The following PIEZO1 variants were observed in gnomAD, a reference collection of about 807,000 sequenced individuals.
The protein encoded by PIEZO1 is piezo type mechanosensitive ion channel component 1 (Er blood group).
In PIEZO1, 296 loss-of-function variants were observed where a neutral mutation model predicts 297.2. The observed-to-expected ratio is 1.00, with a 90% CI of 0.91 to 1.10. PIEZO1 has a LOEUF of 1.10. PIEZO1 is among the 50% of genes least tolerant of loss of function. The probability of loss-of-function intolerance (pLI) is 0.00; values close to 1 mark genes in which losing one functional copy is unlikely to be tolerated. For missense variants in PIEZO1, 5,018 were observed against 3,455.5 expected (o/e 1.45, Z -11.34); for synonymous variants, 2,427 against 1,507.5 (o/e 1.61, Z -14.13).
In PIEZO1 at chr16:88,726,862, G is replaced by T; in HGVS notation, c.3552C>A (p.Ile1184=). The change falls in exon 25 of 51, where the codon ATC becomes ATA. Residue 1184 remains isoleucine (I), a synonymous_variant. Coordinates refer to ENST00000301015, the MANE Select transcript of PIEZO1 (RefSeq NM_001142864.4). ...VFVTGATRIS[I]FGLGYLLACF... Reference sequence around the variant, plus strand: ...AGGCCAGCAGGTAGCCCAGCCCGAAGATGCTGATGCGGGTGGCCCCCGTGA... The same window carrying T: ...AGGCCAGCAGGTAGCCCAGCCCGAATATGCTGATGCGGGTGGCCCCCGTGA... 1 of 1,550,414 alleles carries T rather than the reference G, an allele frequency of 6.4e-7. No homozygotes were observed. Among genetic ancestry groups the T allele is most frequent in the South Asian group, 1.2e-5 (1 of 84,058 alleles).
Position 88,737,589 on chromosome 16 carries a change from T to C in PIEZO1, c.1165A>G (p.Thr389Ala). Residue 389 changes from threonine to alanine, a missense_variant, in exon 10 of 51, where the codon ACC becomes GCC. Coordinates refer to ENST00000301015, the MANE Select transcript of PIEZO1 (RefSeq NM_001142864.4). ...EADNCIVHEL[T>A]GQSSVLRRPV... is the part of the protein sequence containing the mutation. ...CGCCGCAGGACGGAGCTCTGGCCGG[T>C]CAGCTCGTGCACGATGCAGTTATCA... 1 of 1,530,196 alleles carries C rather than the reference T, an allele frequency of 6.5e-7. No individual in the cohort carries two copies. The highest frequency in any genetic ancestry group is 1.2e-5 in the South Asian group (1 of 83,988). 94.8% of individuals were successfully genotyped at this position (1,530,196 alleles called of 1,614,324 possible). A position where few individuals can be genotyped will look rare whatever the true frequency, so the allele number is the denominator to read the frequency against.
rs1489877913 is a variant in PIEZO1 at position 88,749,369 on chromosome 16, G to A, written c.160+15C>T. On this transcript the variant is annotated intron_variant, in intron 2 of 50. Transcript: ENST00000301015. The stretch of plus-strand genomic sequence containing the variant: ...CTCCCACCCTGAGAGCGTGGGCAGG[G>A]TCCCCTGGCCTTACCTTGGAGGCCG... 4.8e-6 allele frequency: 7 copies of A among 1,461,736 alleles called. No homozygotes were observed. Among genetic ancestry groups the A allele is most frequent in the Non-Finnish European group, 6.3e-6 (7 of 1,112,704 alleles). 90.5% of individuals were successfully genotyped at this position (1,461,736 alleles called of 1,614,324 possible). A position where few individuals can be genotyped will look rare whatever the true frequency, so the allele number is the denominator to read the frequency against.
At chr16:88,757,647 A>G (rs1216950414) in intron 1 of PIEZO1, among the ~76,000 whole-genome samples, 1 of 152,086 alleles carries the variant, frequency 6.6e-6, no homozygotes, top group Non-Finnish European at 1.5e-5. Context: ...GAAGCAGGAG[A>G]GCCCGAGGGT....
At chr16:88,724,072 A>C in intron 30 of PIEZO1, 101 bp from the exon 31 acceptor site, 1 of 710,666 alleles carries the variant, frequency 1.4e-6, no homozygotes, top group South Asian at 1.7e-5. Flanking sequence ...CACCCTTCCC[A>C]TGCGGAGTAG....
Position 88,751,433 on chromosome 16 carries a change from C to T in PIEZO1, c.65-1954G>A, listed in dbSNP as rs140244264. ...ACCCTTCCACCCTCCCGGAAGCAGA[C>T]ACGAAAGAATCGCGCTCGGCGCTGC... On this transcript the variant is annotated intron_variant, in intron 1 of 50. Coordinates refer to ENST00000301015, the MANE Select transcript of PIEZO1 (RefSeq NM_001142864.4). Among the ~76,000 whole-genome samples, 7 of 152,340 alleles carry T rather than the reference C, an allele frequency of 4.6e-5. No homozygotes were observed. The East Asian group carries it at 1.4e-3, about 29-fold the overall frequency.
rs561783880 is a variant in PIEZO1 at position 88,756,475 on chromosome 16, C to T, written c.65-6996G>A. On this transcript the variant is annotated intron_variant, in intron 1 of 50. Transcript: ENST00000301015. The stretch of plus-strand genomic sequence containing the variant: ...GCTGTACAAAACTGGTGGCTGGGGC[C>T]GGGCACCGTGGCTCACGCCTGTAAT... Among the ~76,000 whole-genome samples, 312 of 152,318 alleles carry T rather than the reference C, an allele frequency of 2.0e-3. 1 individual carries two copies. Among genetic ancestry groups the T allele is most frequent in the Non-Finnish European group, 2.3e-3 (157 of 68,022 alleles).
At chr16:88,730,187 G>C (rs577572663) in intron 22 of PIEZO1, among the ~76,000 whole-genome samples, 1 of 152,248 alleles carries the variant, frequency 6.6e-6, no homozygotes, top group Non-Finnish European at 1.5e-5. Context: ...CCCAGACCCC[G>C]GGCTCTAAAC....
intron 1 of PIEZO1, among the ~76,000 whole-genome samples, chr16:88,766,227 C>G (rs1359840178): frequency 3.3e-5 from 5 of 152,158 alleles, no homozygotes; most frequent in Non-Finnish European, 7.3e-5. Context: ...GGCATGAGGG[C>G]CTCATCCAAT....
chr16:88,716,165 C>T lies in PIEZO1; in HGVS notation c.7129+33G>A, dbSNP rs764214848. ...CGTTGAGGCCGCAGGTCACCCCTCT[C>T]TAGCCTCCCCCAACCCCCACGCCCA... On this transcript the variant is annotated intron_variant, in intron 49 of 50. Coordinates refer to ENST00000301015, the MANE Select transcript of PIEZO1 (RefSeq NM_001142864.4). 4.0e-5 allele frequency: 61 copies of T among 1,519,028 alleles called. No individual in the cohort carries two copies. In the Admixed American group the frequency reaches 1.0e-3, roughly 26 times the overall value. The allele number at this position is 1,519,028 out of a possible 1,614,324, so 94.1% of individuals were successfully genotyped here. A position where few individuals can be genotyped will look rare whatever the true frequency, so the allele number is the denominator to read the frequency against.
chr16:88,726,590 G>A lies in PIEZO1; in HGVS notation c.3753C>T (p.Ile1251=), dbSNP rs1904452122. The A allele has an allele frequency of 1.3e-6, 2 of 1,548,234 alleles. No individual in the cohort carries two copies. ...EQMQTGFCWV[I]QLFSLVCTVK... The stretch of plus-strand genomic sequence containing the variant: ...CGGTGCATACAAGGCTGAAGAGCTG[G>A]ATGACCCAGCAGAAGCCGGTCTGCA... Residue 1251 remains isoleucine, a synonymous_variant, in exon 26 of 51, where the codon ATC becomes ATT. Transcript: ENST00000301015.
rs1372594771 is a variant in PIEZO1 at position 88,726,663 on chromosome 16, G to A, written c.3700-20C>T. On this transcript the variant is annotated intron_variant, in intron 25 of 50. Coordinates refer to ENST00000301015, the MANE Select transcript of PIEZO1 (RefSeq NM_001142864.4). ...CAGGAGCTGGGGGAGAGCAGGGTCA[G>A]CGGGGCCAGCGGGGCCCCAGGGCGG... 5.2e-6 allele frequency: 8 copies of A among 1,546,526 alleles called. No individual in the cohort carries two copies. The Admixed American group carries it at 1.6e-4, about 30-fold the overall frequency.
chr16:88,768,749 C>G (rs1907291704), intron 1 of PIEZO1, among the ~76,000 whole-genome samples: 1 of 152,260 alleles, frequency 6.6e-6, no homozygotes, highest in African/African-American at 2.4e-5. Context: ...CCTGCAGCCT[C>G]AGCCAGGCCC....
In PIEZO1 at chr16:88,785,130, G is replaced by A. The variant is rs1908125171; in HGVS notation, c.-166C>T. 2.0e-5 allele frequency: 7 copies of A among 352,744 alleles called. No homozygotes were observed. In the East Asian group the frequency reaches 3.9e-4, roughly 20 times the overall value. 21.9% of individuals were successfully genotyped at this position (352,744 alleles called of 1,614,324 possible). A position where few individuals can be genotyped will look rare whatever the true frequency, so the allele number is the denominator to read the frequency against. On this transcript the variant is annotated 5_prime_UTR_variant, in exon 1 of 51. Transcript: ENST00000301015. ...GCCGCCCCGCCGGTGCCGACGTCCC[G>A]GGCCCGCGCTCGCTCAGGCGACCGC...
intron 44 of PIEZO1, chr16:88,718,529 G>A (rs905858966): frequency 7.2e-5 from 11 of 152,304 alleles, no homozygotes; most frequent in African/African-American, 2.4e-4. Flanking sequence ...TGCCACGTGG[G>A]TGGACCTCAG....
At chr16:88,733,561 G>A in intron 18 of PIEZO1, 27 bp downstream of exon 18, 2 of 1,529,056 alleles carry the variant, frequency 1.3e-6, no homozygotes, top group Admixed American at 2.0e-5. Context: ...ACCCCAGATG[G>A]GAAGCTGAGT....
At chr16:88,751,410 C>T (rs1906381380) in intron 1 of PIEZO1, among the ~76,000 whole-genome samples, 1 of 152,192 alleles carries the variant, frequency 6.6e-6, no homozygotes, top group African/African-American at 2.4e-5. Flanking sequence ...ACAGCTTCAC[C>T]CTTCCACCCT....
intron 2 of PIEZO1, among the ~76,000 whole-genome samples, chr16:88,748,499 C>A (rs1021655086): frequency 2.2e-4 from 33 of 149,116 alleles, no homozygotes; most frequent in African/African-American, 6.3e-4. Flanking sequence ...CCCCCCCCCC[C>A]CCGCACAAGT....
At chr16:88,726,523 C>A (rs528835968) in intron 26 of PIEZO1, 24 bp downstream of exon 26, 5 of 1,547,040 alleles carry the variant, frequency 3.2e-6, no homozygotes, top group Admixed American at 2.0e-5. Context: ...CACGCCCTCC[C>A]CCGCCACCGT....
Position 88,741,673 on chromosome 16 carries a change from T to C in PIEZO1, c.327-57A>G, listed in dbSNP as rs1265475451. 8.3e-5 allele frequency: 121 copies of C among 1,452,352 alleles called. 1 individual carries two copies. The South Asian group carries it at 1.2e-3, about 14-fold the overall frequency. The allele number at this position is 1,452,352 out of a possible 1,614,324, so 90.0% of individuals were successfully genotyped here. On this transcript the variant is annotated intron_variant, in intron 4 of 50. Transcript: ENST00000301015. ...CCAAGAGGACAGGTGTGGGTGTGAG[T>C]GTGGATGGGTCTCCAGGTGCGGGTG...
Sources: gnomAD v4.1 joint callset for allele counts (sites outside exome capture counted in the v4.1 genomes callset) on GRCh38, gnomAD v4.1.1 for gene constraint, MANE v1.5 for transcripts, NCBI Gene and HGNC (gene_info 2026-07-23, HGNC 2026-07-21) for gene names.